Variants in KDM7A observed in about 807,000 individuals in gnomAD.
The protein encoded by KDM7A is lysine demethylase 7A, also known as lysine-specific demethylase 7A.
KDM7A carries 28 observed loss-of-function variants against 114.8 expected under a neutral mutation model. That is an observed-to-expected ratio of 0.24 (90% CI 0.18 to 0.33). The LOEUF (loss-of-function observed/expected upper bound fraction) is 0.33. Ranked by LOEUF, KDM7A falls within the 10% of genes least tolerant of loss-of-function variation. The pLI is 1.00. For synonymous variants in KDM7A, 423 were observed against 397.8 expected (o/e 1.06, Z -0.75); for missense variants, 942 against 1,142.5 (o/e 0.82, Z 2.53).
intron 1 of KDM7A, among the ~76,000 whole-genome samples, chr7:140,141,070 T>C (rs1794266573): frequency 6.6e-6 from 1 of 152,130 alleles, no homozygotes; most frequent in Admixed American, 6.5e-5. Flanking sequence ...TCAAGTACAC[T>C]GGAATAAATT....
rs1794287465 is a variant in KDM7A, at chr7:140,142,007, T to G, written c.195-2817A>C. ...TATTTTATATATCCATAAATGATAT[T>G]TATATATAATATATATTTATATATT... On this transcript the variant is annotated intron_variant, in intron 1 of 19. Coordinates refer to ENST00000397560, the MANE Select transcript of KDM7A (RefSeq NM_030647.2). Among the ~76,000 whole-genome samples the G allele has an allele frequency of 2.9e-5, 4 of 137,970 alleles. No homozygotes were observed. The South Asian group carries it at 6.3e-4, about 22-fold the overall frequency. 90.5% of individuals were successfully genotyped at this position (137,970 alleles called of 152,430 possible).
At chr7:140,121,294 CA>C (rs1247996808) in intron 7 of KDM7A, among the ~76,000 whole-genome samples, 2 of 152,208 alleles carry the variant, frequency 1.3e-5, no homozygotes, top group African/African-American at 4.8e-5. Flanking sequence ...TGGCAGACTT[CA>C]AGACTTCACC....
At chr7:140,139,552 T>C (rs1340168311) in intron 1 of KDM7A, among the ~76,000 whole-genome samples, 1 of 152,172 alleles carries the variant, frequency 6.6e-6, no homozygotes, top group African/African-American at 2.4e-5. Flanking sequence ...TAATACAATA[T>C]GACAAAATTT....
At chr7:140,160,783 T>G (rs1339594699) in intron 1 of KDM7A, among the ~76,000 whole-genome samples, 1 of 152,188 alleles carries the variant, frequency 6.6e-6, no homozygotes, top group Non-Finnish European at 1.5e-5. Context: ...ACAGGCTGGA[T>G]GCCCACAAAG....
intron 9 of KDM7A, among the ~76,000 whole-genome samples, chr7:140,114,777 G>T (rs1201549292): frequency 2.7e-5 from 4 of 150,386 alleles, no homozygotes; most frequent in East Asian, 2.0e-4. Context: ...CCTCTGCCCG[G>T]CCGCCCCGTC....
chr7:140,123,740 A>G (rs1403781875), intron 7 of KDM7A, among the ~76,000 whole-genome samples: 7 of 152,206 alleles, frequency 4.6e-5, no homozygotes, highest in Non-Finnish European at 8.8e-5. Context: ...TTACTGGGCC[A>G]TGAAAAGATG....
chr7:140,113,722 T>C (rs1818468907), intron 9 of KDM7A, 140 bp from the exon 10 acceptor site: 1 of 479,712 alleles, frequency 2.1e-6, no homozygotes, highest in Non-Finnish European at 3.7e-6. Flanking sequence ...AAGTGAAATA[T>C]GAAACAATTC....
At chr7:140,123,782 C>G (rs913873293) in intron 7 of KDM7A, among the ~76,000 whole-genome samples, 11 of 152,046 alleles carry the variant, frequency 7.2e-5, no homozygotes, top group African/African-American at 2.7e-4. Flanking sequence ...CATGGATAAG[C>G]CTAGAAAATA....
intron 1 of KDM7A, among the ~76,000 whole-genome samples, chr7:140,174,640 C>A (rs999274325): frequency 3.9e-5 from 6 of 152,022 alleles, no homozygotes; most frequent in African/African-American, 1.5e-4. Context: ...CTCACTCTGT[C>A]GCCAGGCTGG....
rs1391201520 is a variant in KDM7A, at chr7:140,176,511, T to C, written c.194+233A>G. On this transcript the variant is annotated intron_variant, in intron 1 of 19. Transcript: ENST00000397560. This position sits in a 1 kb window ranked among gnomAD's most constrained non-coding sequence, Gnocchi z 4.4. ...CGGCCCTCTTTGTTCGTGTTTGTTG[T>C]GGCGACTCTTCGCCCGGGCCAGGCG... 6.8e-6 allele frequency among the ~76,000 whole-genome samples: 1 copy of C among 146,684 alleles called. No individual in the cohort carries two copies. Among genetic ancestry groups the C allele is most frequent in the Non-Finnish European group, 1.5e-5 (1 of 65,918 alleles).
chr7:140,113,401 A>G, intron 10 of KDM7A, 90 bp downstream of exon 10: 2 of 673,714 alleles, frequency 3.0e-6, no homozygotes, highest in Admixed American at 2.5e-5. Flanking sequence ...TACTACTGGC[A>G]TTCACACGTG....
intron 1 of KDM7A, among the ~76,000 whole-genome samples, chr7:140,157,992 A>AAATAAATAAT (rs1554401223): frequency 3.4e-5 from 5 of 146,450 alleles, no homozygotes; most frequent in African/African-American, 1.3e-4. Context: ...ATAAATAAAT[A>AAATAAATAAT]AATAATAATA....
intron 8 of KDM7A, among the ~76,000 whole-genome samples, chr7:140,119,989 G>A (rs967371946): frequency 3.3e-5 from 5 of 152,258 alleles, no homozygotes; most frequent in Admixed American, 2.6e-4. Context: ...AGAGAGTTAC[G>A]CAAAGGTCAA....
Position 140,094,069 on chromosome 7 carries a change from C to G in KDM7A, c.2444G>C (p.Arg815Thr), listed in dbSNP as rs1292779464. The part of the protein sequence containing the change: ...SSWIKQFDTS[R>T]FHPQDLSRSQ... ...CTTTGAATATACCTGAGGATGAAATCTGGAAGTATCAAACTGTTTAATCCA... is the reference window on the plus strand; with the variant it reads ...CTTTGAATATACCTGAGGATGAAATGTGGAAGTATCAAACTGTTTAATCCA... Residue 815 changes from arginine to threonine, a missense_variant, in exon 18 of 20, where the codon AGA becomes ACA. Around this residue, in one of 4 missense-constraint regions of KDM7A, gnomAD observed 512 missense variants for 576.6 expected, o/e 0.89. Transcript: ENST00000397560. 12 of 1,579,964 alleles carry G rather than the reference C, an allele frequency of 7.6e-6. No individual in the cohort carries two copies. The highest frequency in any genetic ancestry group is 1.0e-5 in the Non-Finnish European group (12 of 1,148,882).
At chr7:140,169,070 C>G (rs1027686598) in intron 1 of KDM7A, among the ~76,000 whole-genome samples, 3 of 152,172 alleles carry the variant, frequency 2.0e-5, no homozygotes, top group Non-Finnish European at 4.4e-5. Flanking sequence ...AATGAGCCCA[C>G]TAATACCAGA....
In KDM7A at chr7:140,129,415, T is replaced by C. The variant is rs1818752938; in HGVS notation, c.559+78A>G. 1.2e-5 allele frequency: 14 copies of C among 1,159,160 alleles called. No individual in the cohort carries two copies. In the South Asian group the frequency reaches 1.7e-4, roughly 14 times the overall value. 71.8% of individuals were successfully genotyped at this position (1,159,160 alleles called of 1,614,324 possible). ...AAAACTAAATTGACATTTCTTCATT[T>C]AACCATTAATATTACCAGGACTATC... is the stretch of plus-strand genomic sequence containing the variant. On this transcript the variant is annotated intron_variant, in intron 4 of 19. Transcript: ENST00000397560.
At chr7:140,122,356 T>C (rs1230138944) in intron 7 of KDM7A, among the ~76,000 whole-genome samples, 3 of 152,012 alleles carry the variant, frequency 2.0e-5, no homozygotes, top group East Asian at 3.9e-4. Flanking sequence ...AATTTATGAT[T>C]TGAAGAATCA....
chr7:140,172,631 C>T (rs991306619), intron 1 of KDM7A, among the ~76,000 whole-genome samples: 2 of 150,830 alleles, frequency 1.3e-5, no homozygotes, highest in African/African-American at 2.4e-5. Context: ...CCAGCCTGGG[C>T]GACAGAGCGA....
In KDM7A at chr7:140,091,757, C is replaced by A. The variant is rs918546287; in HGVS notation, c.2731+47G>T. The A allele has an allele frequency of 1.6e-5, 25 of 1,594,486 alleles. No individual in the cohort carries two copies. The Admixed American group carries it at 3.5e-4, about 22-fold the overall frequency. On this transcript the variant is annotated intron_variant, in intron 19 of 19. Coordinates refer to ENST00000397560, the MANE Select transcript of KDM7A (RefSeq NM_030647.2). Reference sequence around the variant, plus strand: ...ACACCTCAACTGCCATGATGACCATCACATACAGTCAGAAATATACTTTCT... The same window carrying A: ...ACACCTCAACTGCCATGATGACCATAACATACAGTCAGAAATATACTTTCT...
Sources: gnomAD v4.1 joint callset for allele counts (sites outside exome capture counted in the v4.1 genomes callset) on GRCh38, gnomAD v4.1.1 for gene constraint, gnomAD v4.1.1 regional missense constraint, Gnocchi (gnomAD v3.1) non-coding constraint, MANE v1.5 for transcripts, NCBI Gene and HGNC (gene_info 2026-07-23, HGNC 2026-07-21) for gene names.